SH3BGR: variants seen among roughly 807,000 people sequenced by gnomAD.
SH3BGR encodes SH3 domain-binding glutamic acid-rich protein.
SH3BGR carries 29 observed loss-of-function variants against 24.5 expected under a neutral mutation model. The observed-to-expected ratio is 1.18, with a 90% CI of 0.88 to 1.61. The LOEUF is 1.61. Ranked by LOEUF, SH3BGR falls within the 40% of genes most tolerant of loss-of-function variation. The pLI is 0.00. For missense variants in SH3BGR, 162 were observed against 205.8 expected (o/e 0.79, Z 1.30); for synonymous variants, 55 against 65.7 (o/e 0.84, Z 0.79).
intron 2 of SH3BGR, among the ~76,000 whole-genome samples, chr21:39,467,820 G>A (rs1380616102): frequency 2.0e-5 from 3 of 152,174 alleles, no homozygotes; most frequent in Admixed American, 1.3e-4. Context: ...AGTCCTCAGT[G>A]CCTTCCTGCC....
chr21:39,477,966 C>G (rs979504903), intron 3 of SH3BGR, among the ~76,000 whole-genome samples: 1 of 152,080 alleles, frequency 6.6e-6, no homozygotes, highest in African/African-American at 2.4e-5. Context: ...TAATTAACAT[C>G]TGCCTTTCAT....
intron 2 of SH3BGR, among the ~76,000 whole-genome samples, chr21:39,463,370 A>G (rs1282326090): frequency 6.6e-6 from 1 of 152,266 alleles, no homozygotes; most frequent in Non-Finnish European, 1.5e-5. Context: ...TTTATAGATC[A>G]TACTTAATAA....
intron 1 of SH3BGR, among the ~76,000 whole-genome samples, chr21:39,456,647 G>C (rs1355371166): frequency 6.6e-6 from 1 of 152,218 alleles, no homozygotes; most frequent in African/African-American, 2.4e-5. Context: ...CCACGGCACA[G>C]CTGTGGGAGG....
At chr21:39,460,689 C>G (rs536721121) in intron 1 of SH3BGR, among the ~76,000 whole-genome samples, 3 of 152,030 alleles carry the variant, frequency 2.0e-5, no homozygotes, top group African/African-American at 7.2e-5. Context: ...AGGCTGGTCT[C>G]GAACTCCTGA....
At chr21:39,455,681 C>T (rs575906320) in intron 1 of SH3BGR, among the ~76,000 whole-genome samples, 1 of 152,328 alleles carries the variant, frequency 6.6e-6, no homozygotes. Flanking sequence ...AGCAAGACGA[C>T]AGTGCCGGCC....
intron 2 of SH3BGR, among the ~76,000 whole-genome samples, chr21:39,468,266 A>G (rs182559529): frequency 1.3e-5 from 2 of 152,330 alleles, no homozygotes; most frequent in African/African-American, 4.8e-5. Flanking sequence ...ATGTTCCTAA[A>G]ATTTATTCTG....
At chr21:39,469,482 CT>C (rs940187409) in intron 2 of SH3BGR, among the ~76,000 whole-genome samples, 12 of 151,432 alleles carry the variant, frequency 7.9e-5, no homozygotes, top group East Asian at 1.9e-4. Context: ...CTTCTATACA[CT>C]TTTTTTTCCT....
chr21:39,451,462 G>A (rs145991514), upstream of SH3BGR, among the ~76,000 whole-genome samples: 35 of 152,224 alleles, frequency 2.3e-4, no homozygotes, highest in Middle Eastern at 3.4e-3. Flanking sequence ...ACTGGAAACA[G>A]CCACTCTTAA....
chr21:39,464,309 A>G lies in SH3BGR; in HGVS notation c.231+1749A>G, dbSNP rs111340269. Among the ~76,000 whole-genome samples, 8 of 151,898 alleles carry G rather than the reference A, an allele frequency of 5.3e-5. No homozygotes were observed. In the South Asian group the frequency reaches 1.5e-3, roughly 28 times the overall value. On this transcript the variant is annotated intron_variant, in intron 2 of 6. Transcript: ENST00000333634. The stretch of plus-strand genomic sequence containing the variant: ...GCAGTATCAGCTCACTGCAACCTCT[A>G]CCTCCTGGGTTCAAGTGATTCTCCT...
intron 1 of SH3BGR, among the ~76,000 whole-genome samples, chr21:39,456,772 C>T (rs1053423816): frequency 6.6e-6 from 1 of 152,116 alleles, no homozygotes; most frequent in Non-Finnish European, 1.5e-5. Context: ...CATTCCACAC[C>T]TTTCTGTCTA....
intron 3 of SH3BGR, among the ~76,000 whole-genome samples, chr21:39,495,654 A>T (rs8126715): frequency 0.55 from 83,358 of 150,576 alleles, 23,475 homozygotes; most frequent in East Asian, 0.67. Context: ...TAATAAAAAA[A>T]TTTTTTTTTG....
intron 4 of SH3BGR, among the ~76,000 whole-genome samples, chr21:39,504,880 C>G (rs2078556121): frequency 6.6e-6 from 1 of 152,124 alleles, no homozygotes. Flanking sequence ...GTCACCCAGG[C>G]TGGAGTGCAT....
chr21:39,457,625 C>A (rs560328697), intron 1 of SH3BGR, among the ~76,000 whole-genome samples: 2 of 151,186 alleles, frequency 1.3e-5, no homozygotes, highest in Non-Finnish European at 2.9e-5. Context: ...ATTTGTCTTA[C>A]CTTTCCTTAT....
At chr21:39,508,130 T>C (rs2078614709) in intron 4 of SH3BGR, among the ~76,000 whole-genome samples, 1 of 152,208 alleles carries the variant, frequency 6.6e-6, no homozygotes, top group Admixed American at 6.5e-5. Context: ...AGAATGTATA[T>C]GACTGCAAGA....
At chr21:39,503,635 A>G (rs1482610244) in intron 4 of SH3BGR, among the ~76,000 whole-genome samples, 2 of 152,208 alleles carry the variant, frequency 1.3e-5, no homozygotes, top group African/African-American at 2.4e-5. Context: ...CATTTAATGG[A>G]GAGGAATATT....
At chr21:39,484,399 T>C (rs371535309) in intron 3 of SH3BGR, among the ~76,000 whole-genome samples, 94 of 152,338 alleles carry the variant, frequency 6.2e-4, no homozygotes, top group African/African-American at 2.3e-3. Flanking sequence ...TGAATGTAAA[T>C]GGGACAGGTT....
chr21:39,454,143 G>C lies in SH3BGR; in HGVS notation c.45+2002G>C, dbSNP rs2077618150. Reference sequence around the variant, plus strand: ...AGAATTGATTATCCCTGCGATGTCAGTGCTAATGATTTTTCATGGGTAGAG... The same window carrying C: ...AGAATTGATTATCCCTGCGATGTCACTGCTAATGATTTTTCATGGGTAGAG... On this transcript the variant is annotated intron_variant, in intron 1 of 6. Coordinates refer to ENST00000333634, the MANE Select transcript of SH3BGR (RefSeq NM_007341.3). 1.3e-5 allele frequency among the ~76,000 whole-genome samples: 2 copies of C among 152,204 alleles called. 1 individual carries two copies. Among genetic ancestry groups the C allele is most frequent in the Admixed American group, 1.3e-4 (2 of 15,282 alleles).
At chr21:39,463,031 G>A (rs926680638) in intron 2 of SH3BGR, among the ~76,000 whole-genome samples, 3 of 152,106 alleles carry the variant, frequency 2.0e-5, no homozygotes, top group African/African-American at 7.2e-5. Context: ...CTGCAGGAGT[G>A]CAGTACTCCA....
At chr21:39,485,941 G>A (rs1212349672) in intron 3 of SH3BGR, among the ~76,000 whole-genome samples, 1 of 152,128 alleles carries the variant, frequency 6.6e-6, no homozygotes, top group Non-Finnish European at 1.5e-5. Context: ...GCCCGCCTCG[G>A]CCTCCCAAAG....
Sources: allele counts gnomAD v4.1 joint callset (sites outside exome capture counted in the v4.1 genomes callset), GRCh38; gene constraint gnomAD v4.1.1; transcripts MANE v1.5; gene names NCBI Gene and HGNC (gene_info 2026-07-23, HGNC 2026-07-21).